The following PLEKHA6 variants were observed in gnomAD, a reference collection of about 807,000 sequenced individuals.
PLEKHA6 encodes the protein pleckstrin homology domain containing A6.
PLEKHA6 carries 60 observed loss-of-function variants against 116.7 expected under a neutral mutation model. That is an observed-to-expected ratio of 0.51 (90% CI 0.42 to 0.64). The LOEUF (loss-of-function observed/expected upper bound fraction) is 0.64, where lower values mean the gene tolerates loss of function less well. Ranked by LOEUF, PLEKHA6 falls within the 30% of genes least tolerant of loss-of-function variation. PLEKHA6 has a pLI of 0.00. For missense variants in PLEKHA6, 1,338 were observed against 1,422.7 expected (o/e 0.94, Z 0.96); for synonymous variants, 489 against 556.1 (o/e 0.88, Z 1.70).
intron 1 of PLEKHA6, among the ~76,000 whole-genome samples, chr1:204,285,118 G>T (rs780921134): frequency 3.3e-5 from 5 of 152,138 alleles, no homozygotes; most frequent in Non-Finnish European, 7.4e-5. Context: ...TTACCATACG[G>T]GACAGAATAG....
chr1:204,300,654 C>T (rs1272759930), intron 1 of PLEKHA6, among the ~76,000 whole-genome samples: 1 of 152,210 alleles, frequency 6.6e-6, no homozygotes, highest in East Asian at 1.9e-4. Flanking sequence ...CTCCCCGTGC[C>T]CACCCTTGAG....
chr1:204,275,739 T>C lies in PLEKHA6; in HGVS notation c.-94-930A>G, dbSNP rs1035264268. 8 of 984,338 alleles carry C rather than the reference T, an allele frequency of 8.1e-6. No homozygotes were observed. In the Admixed American group the frequency reaches 4.3e-4, roughly 53 times the overall value. 61.0% of individuals were successfully genotyped at this position (984,338 alleles called of 1,614,324 possible). A position where few individuals can be genotyped will look rare whatever the true frequency, so the allele number is the denominator to read the frequency against. The stretch of plus-strand genomic sequence containing the variant: ...TAAGCCATAATGGCAACCCCCAAGA[T>C]GGATCCAGTAAGCGGTGACTACTTG... On this transcript the variant is annotated intron_variant, in intron 1 of 22. Coordinates refer to ENST00000272203, the MANE Select transcript of PLEKHA6 (RefSeq NM_014935.5).
Position 204,320,734 on chromosome 1 carries a change from C to T in PLEKHA6, c.-95+38960G>A, listed in dbSNP as rs528389390. On this transcript the variant is annotated intron_variant, in intron 1 of 22. Transcript: ENST00000272203. ...ACGTGCTCTGTGGAGACCTCCTGTACGCACAGCACACTGGGCTGGCCTGCA... is the reference window on the plus strand; with the variant it reads ...ACGTGCTCTGTGGAGACCTCCTGTATGCACAGCACACTGGGCTGGCCTGCA... Among the ~76,000 whole-genome samples the T allele has an allele frequency of 3.3e-5, 5 of 152,310 alleles. 1 individual carries two copies. The highest frequency in any genetic ancestry group is 1.2e-4 in the African/African-American group (5 of 41,576).
Position 204,230,595 on chromosome 1 carries a change from A to G in PLEKHA6, c.2410-9T>C. The G allele has an allele frequency of 6.3e-7, 1 of 1,594,044 alleles. No homozygotes were observed. Among genetic ancestry groups the G allele is most frequent in the Non-Finnish European group, 8.5e-7 (1 of 1,170,100 alleles). On this transcript the variant is annotated splice_polypyrimidine_tract_variant and intron_variant, in intron 17 of 22. Coordinates refer to ENST00000272203, the MANE Select transcript of PLEKHA6 (RefSeq NM_014935.5). ...GCACTCTTGGGGCGTTCCTGCTGCC[A>G]TGGGAAAACAGGGCTCTGACAAGTG... is the stretch of plus-strand genomic sequence containing the variant.
At chr1:204,286,496 C>T (rs1191521576) in intron 1 of PLEKHA6, among the ~76,000 whole-genome samples, 1 of 152,160 alleles carries the variant, frequency 6.6e-6, no homozygotes, top group African/African-American at 2.4e-5. Context: ...CCATAAGTGA[C>T]ACCTGAGTAA....
chr1:204,345,239 G>GCTTT (rs1672993679), intron 1 of PLEKHA6, among the ~76,000 whole-genome samples: 1 of 152,128 alleles, frequency 6.6e-6, no homozygotes. Flanking sequence ...CGATTGGGAT[G>GCTTT]CTTTCTATTT....
chr1:204,334,571 T>G (rs1672574110), intron 1 of PLEKHA6, among the ~76,000 whole-genome samples: 1 of 152,148 alleles, frequency 6.6e-6, no homozygotes, highest in Non-Finnish European at 1.5e-5. Flanking sequence ...ACTTCACATA[T>G]TTATCATTTC....
intron 21 of PLEKHA6, among the ~76,000 whole-genome samples, chr1:204,226,085 CCA>C (rs1334336623): frequency 6.6e-6 from 1 of 152,226 alleles, no homozygotes; most frequent in Non-Finnish European, 1.5e-5. Context: ...CCCAGCACTG[CCA>C]CACACACAGT....
rs1451017948 is a variant in PLEKHA6 at position 204,257,577 on chromosome 1, A to G, written c.1300T>C (p.Tyr434His). Residue 434 changes from tyrosine to histidine, a missense_variant, in exon 9 of 23, where the codon TAT becomes CAT. Coordinates refer to ENST00000272203, the MANE Select transcript of PLEKHA6 (RefSeq NM_014935.5). The surrounding 1 kb of genome is among the most constrained non-coding windows in gnomAD (Gnocchi z 6.5). ...IPSPSRQPVY[Y>H]DELDAASSSL... ...CTAGAGGCGGCATCCAGCTCATCAT[A>G]ATAGACTGGCTGCCGGGAGGGGCTT... 4.4e-6 allele frequency: 7 copies of G among 1,607,608 alleles called. No homozygotes were observed. In the African/African-American group the frequency reaches 9.4e-5, roughly 21 times the overall value.
At chr1:204,291,350 T>C (rs182891550) in intron 1 of PLEKHA6, among the ~76,000 whole-genome samples, 1 of 152,348 alleles carries the variant, frequency 6.6e-6, no homozygotes, top group African/African-American at 2.4e-5. Flanking sequence ...CATCCTGCTT[T>C]AGAAAACAGT....
intron 3 of PLEKHA6, among the ~76,000 whole-genome samples, chr1:204,268,672 G>A (rs1667113859): frequency 6.7e-6 from 1 of 149,260 alleles, no homozygotes; most frequent in South Asian, 2.1e-4. Flanking sequence ...CTCTTCCACA[G>A]TGTGTTCTGG....
intron 1 of PLEKHA6, among the ~76,000 whole-genome samples, chr1:204,307,673 C>T (rs1428413388): frequency 6.6e-6 from 1 of 152,228 alleles, no homozygotes; most frequent in Non-Finnish European, 1.5e-5. Context: ...CCCGCCCTCG[C>T]GTTCCCCTCA....
Position 204,228,940 on chromosome 1 carries a change from C to G in PLEKHA6, c.2748G>C (p.Lys916Asn). The change falls in exon 19 of 23, where the codon AAG becomes AAC. Residue 916 changes from lysine to asparagine, a missense_variant. By Grantham distance (94) the Lys-to-Asn change is moderately conservative (BLOSUM62 0). Transcript: ENST00000272203. This position sits in a 1 kb window ranked among gnomAD's most constrained non-coding sequence, Gnocchi z 4.0. ...EPQHYDVDIN[K>N]ELSTPDKVLI... ...AGCCCTTCCTGGCTCCACTCACCTC[C>G]TTATTGATGTCCACGTCATAATGCT... 1.2e-6 allele frequency: 2 copies of G among 1,614,150 alleles called. No individual in the cohort carries two copies. Among genetic ancestry groups the G allele is most frequent in the Non-Finnish European group, 1.7e-6 (2 of 1,180,006 alleles).
In PLEKHA6 at chr1:204,348,885, G is replaced by C. The variant is rs568977995; in HGVS notation, c.-95+10809C>G. On this transcript the variant is annotated intron_variant, in intron 1 of 22. Transcript: ENST00000272203. ...TTTCCTGTCAAAAAACCTCCCAGAA[G>C]CCTGAGGCCTCTAGGCATGGCCTGG... Among the ~76,000 whole-genome samples the C allele has an allele frequency of 5.6e-4, 86 of 152,342 alleles. 1 individual carries two copies. Among genetic ancestry groups the C allele is most frequent in the African/African-American group, 2.0e-3 (85 of 41,580 alleles).
At chr1:204,314,330 C>T (rs1558175715) in intron 1 of PLEKHA6, among the ~76,000 whole-genome samples, 2 of 152,236 alleles carry the variant, frequency 1.3e-5, no homozygotes, top group African/African-American at 4.8e-5. Flanking sequence ...GAATGTTCCA[C>T]TTCCCCTGTG....
rs1156616901 is a variant in PLEKHA6, at chr1:204,274,827, G to A, written c.-94-18C>T. On this transcript the variant is annotated intron_variant, in intron 1 of 22. Coordinates refer to ENST00000272203, the MANE Select transcript of PLEKHA6 (RefSeq NM_014935.5). ...CATTGTGGCTGTAGAGGGAAAAACA[G>A]AAGAGTTGTGGTAAAGATGAAGAAG... 1.1e-5 allele frequency: 11 copies of A among 985,912 alleles called. No individual in the cohort carries two copies. The highest frequency in any genetic ancestry group is 1.3e-5 in the Non-Finnish European group (11 of 829,964). The allele number at this position is 985,912 out of a possible 1,614,324, so 61.1% of individuals were successfully genotyped here.
In PLEKHA6 at chr1:204,257,846, G is replaced by A. The variant is rs749573581; in HGVS notation, c.1031C>T (p.Ser344Phe). 3.7e-6 allele frequency: 6 copies of A among 1,612,784 alleles called. No individual in the cohort carries two copies. Among genetic ancestry groups the A allele is most frequent in the East Asian group, 2.2e-5 (1 of 44,850 alleles). ...GCCATAGTACTCAGGGACCCTGCGA[G>A]ACACAGGATAGAACCTAGAGGGACT... ...LRSPSRFYPV[S>F]RRVPEYYGPY... Residue 344 changes from serine to phenylalanine, a missense_variant, in exon 9 of 23, where the codon TCT becomes TTT. Around this residue, in one of 3 missense-constraint regions of PLEKHA6, gnomAD observed 1,136 missense variants for 1,163.6 expected, o/e 0.98. Coordinates refer to ENST00000272203, the MANE Select transcript of PLEKHA6 (RefSeq NM_014935.5). The surrounding 1 kb of genome is among the most constrained non-coding windows in gnomAD (Gnocchi z 6.5).
rs766336253 is a variant in PLEKHA6 at position 204,247,375 on chromosome 1, A to G, written c.1910T>C (p.Leu637Ser). 3.1e-6 allele frequency: 5 copies of G among 1,610,048 alleles called. No homozygotes were observed. The highest frequency in any genetic ancestry group is 4.3e-6 in the Non-Finnish European group (5 of 1,176,452). Residue 637 changes from leucine to serine, a missense_variant, in exon 13 of 23, where the codon TTG becomes TCG. Leu to Ser is a moderately radical substitution (Grantham distance 145). Coordinates refer to ENST00000272203, the MANE Select transcript of PLEKHA6 (RefSeq NM_014935.5). The part of the protein sequence containing the change: ...LHDDLWEQLN[L>S]DTQNEVLNRQ... ...GGGGCCCTTCTTCACCTGGGTGTCC[A>G]AATTGAGCTGCTCCCAGAGGTCATC... is the stretch of plus-strand genomic sequence containing the variant.
At chr1:204,270,524 T>A (rs1667339311) in intron 3 of PLEKHA6, among the ~76,000 whole-genome samples, 1 of 152,140 alleles carries the variant, frequency 6.6e-6, no homozygotes, top group African/African-American at 2.4e-5. Flanking sequence ...ACCCCAGAAC[T>A]CCACGTTATC....
Sources: gnomAD v4.1 joint callset for allele counts (sites outside exome capture counted in the v4.1 genomes callset) on GRCh38, gnomAD v4.1.1 for gene constraint, gnomAD v4.1.1 regional missense constraint, Gnocchi (gnomAD v3.1) non-coding constraint, MANE v1.5 for transcripts, NCBI Gene and HGNC (gene_info 2026-07-23, HGNC 2026-07-21) for gene names.